OSBPL5: variants seen among roughly 807,000 people sequenced by gnomAD.
OSBPL5 encodes the protein oxysterol-binding protein-related protein 5.
In OSBPL5, 71 loss-of-function variants were observed where a neutral mutation model predicts 111.2. The observed-to-expected ratio is 0.64, with a 90% CI of 0.53 to 0.78. The LOEUF (loss-of-function observed/expected upper bound fraction) is 0.78. Among genes scored for constraint, OSBPL5 ranks in the 30% least tolerant of loss-of-function variants. The pLI, the probability that OSBPL5 is intolerant of heterozygous loss-of-function variation, is 0.00. For synonymous variants in OSBPL5, 549 were observed against 513.9 expected (o/e 1.07, Z -0.93); for missense variants, 1,210 against 1,189.3 (o/e 1.02, Z -0.26).
At chr11:3,114,705 TCTC>T (rs1221161535) in intron 7 of OSBPL5, among the ~76,000 whole-genome samples, 1 of 147,572 alleles carries the variant, frequency 6.8e-6, no homozygotes, top group African/African-American at 2.5e-5. Context: ...TTCACGCCAT[TCTC>T]CTGCCCCAGC....
chr11:3,099,120 C>T (rs78125911), intron 14 of OSBPL5, among the ~76,000 whole-genome samples: 2,314 of 152,282 alleles, frequency 0.015, 17 homozygotes, highest in South Asian at 0.033. Context: ...TCTTTAAGTG[C>T]ATATTGCCAA....
rs1312960445 is a variant in OSBPL5, at chr11:3,105,598, C to T, written c.1060-1221G>A. 6.6e-6 allele frequency among the ~76,000 whole-genome samples: 1 copy of T among 152,092 alleles called. No homozygotes were observed. Among genetic ancestry groups the T allele is most frequent in the African/African-American group, 2.4e-5 (1 of 41,360 alleles). ...ACTGTCTTGCCGTAGGTCCCCACCA[C>T]TCCTCACTGGTCCAGCAGCCATCCC... On this transcript the variant is annotated intron_variant, in intron 9 of 21. Coordinates refer to ENST00000263650, the MANE Select transcript of OSBPL5 (RefSeq NM_020896.4). This position sits in a 1 kb window ranked among gnomAD's most constrained non-coding sequence, Gnocchi z 5.2.
At chr11:3,103,851 C>CTG (rs1857588181) in intron 10 of OSBPL5, among the ~76,000 whole-genome samples, 3 of 111,150 alleles carry the variant, frequency 2.7e-5, no homozygotes, top group Non-Finnish European at 3.9e-5. Flanking sequence ...CAGCCCCTTT[C>CTG]CAGTCTGCGC....
At position 3,107,025 on chromosome 11, in the gene OSBPL5, C is replaced by T. The variant is rs74537819; in HGVS notation, c.1059+238G>A. ...TGCCTGTCTGCAGCAAACCCCTGCCCGATCCCCGCATCTGCATGCCAGCCA... is the reference window on the plus strand; with the variant it reads ...TGCCTGTCTGCAGCAAACCCCTGCCTGATCCCCGCATCTGCATGCCAGCCA... On this transcript the variant is annotated intron_variant, in intron 9 of 21. Transcript: ENST00000263650. This position sits in a 1 kb window ranked among gnomAD's most constrained non-coding sequence, Gnocchi z 6.1. 0.016 allele frequency among the ~76,000 whole-genome samples: 2,500 copies of T among 152,072 alleles called. 55 individuals carry two copies. Among genetic ancestry groups the T allele is most frequent in the African/African-American group, 0.052 (2,162 of 41,462 alleles).
intron 14 of OSBPL5, among the ~76,000 whole-genome samples, chr11:3,097,269 G>A (rs138651705): frequency 1.2e-3 from 190 of 152,078 alleles, no homozygotes; most frequent in African/African-American, 4.1e-3. Context: ...GATTTTTTCC[G>A]AGACATTTCC....
chr11:3,155,733 G>A (rs111393700), intron 1 of OSBPL5, among the ~76,000 whole-genome samples: 2,233 of 152,302 alleles, frequency 0.015, 62 homozygotes, highest in African/African-American at 0.049. Context: ...CAGCCACTAC[G>A]CCGACAGTTC....
chr11:3,099,816 C>A (rs971945945), intron 14 of OSBPL5, among the ~76,000 whole-genome samples: 3 of 152,130 alleles, frequency 2.0e-5, no homozygotes, highest in African/African-American at 4.8e-5. Context: ...TGCCTGTAAT[C>A]CCAGCACTTT....
intron 1 of OSBPL5, among the ~76,000 whole-genome samples, chr11:3,163,525 T>TGGG (rs1479606120): frequency 2.9e-5 from 1 of 34,410 alleles, no homozygotes; most frequent in African/African-American, 1.1e-4. Flanking sequence ...GGGTAGGGGT[T>TGGG]GGGTGGGGGG....
rs1856911837 is a variant in OSBPL5 at position 3,087,516 on chromosome 11, AC to A, written c.*688del. Reference sequence around the variant, plus strand: ...TAAGCCACACCCCTGCGCCCCCCACACCCCTGCACACACCTGCACCCACAAC... The same window carrying A: ...TAAGCCACACCCCTGCGCCCCCCACACCCTGCACACACCTGCACCCACAAC... On this transcript the variant is annotated 3_prime_UTR_variant, in exon 22 of 22. Transcript: ENST00000263650. 1 of 152,918 alleles carries A rather than the reference AC, an allele frequency of 6.5e-6. No individual in the cohort carries two copies. Among genetic ancestry groups the A allele is most frequent in the Admixed American group, 6.5e-5 (1 of 15,276 alleles). 9.5% of individuals were successfully genotyped at this position (152,918 alleles called of 1,614,324 possible).
chr11:3,143,846 C>T (rs372341825), intron 1 of OSBPL5, among the ~76,000 whole-genome samples: 6 of 152,320 alleles, frequency 3.9e-5, no homozygotes, highest in Admixed American at 1.3e-4. Context: ...AGCTCCTGGC[C>T]GTGGTCATAG....
intron 1 of OSBPL5, among the ~76,000 whole-genome samples, chr11:3,150,898 C>T (rs1055113597): frequency 1.2e-4 from 18 of 152,186 alleles, no homozygotes; most frequent in Non-Finnish European, 5.9e-5. Flanking sequence ...GTCCGTCTTC[C>T]CAGGAGTCAC....
intron 1 of OSBPL5, among the ~76,000 whole-genome samples, chr11:3,156,282 TC>T (rs1846756554): frequency 6.6e-6 from 1 of 152,208 alleles, no homozygotes; most frequent in South Asian, 2.1e-4. Flanking sequence ...AGGATGGAAA[TC>T]CGTGTGATTT....
intron 3 of OSBPL5, among the ~76,000 whole-genome samples, chr11:3,124,105 A>C (rs1048260732): frequency 6.6e-6 from 1 of 152,206 alleles, no homozygotes; most frequent in African/African-American, 2.4e-5. Context: ...TAGATCCCAC[A>C]GCTCAGGTCA....
At chr11:3,088,490 C>G in intron 21 of OSBPL5, 147 bp from the exon 22 acceptor site, 25 of 954,940 alleles carry the variant, frequency 2.6e-5, no homozygotes, top group Non-Finnish European at 3.2e-5. Context: ...GGCAACAGAG[C>G]GGGTGGGGGT....
chr11:3,158,432 C>T (rs961722069), intron 1 of OSBPL5, among the ~76,000 whole-genome samples: 10 of 152,248 alleles, frequency 6.6e-5, no homozygotes, highest in Non-Finnish European at 2.9e-5. Context: ...CCTGCTTTTC[C>T]GACCTGCAGA....
chr11:3,137,567 C>G (rs1269169768), intron 1 of OSBPL5, among the ~76,000 whole-genome samples: 1 of 152,202 alleles, frequency 6.6e-6, no homozygotes, highest in Non-Finnish European at 1.5e-5. Context: ...AATCCCAACA[C>G]TTTGGGAGCC....
chr11:3,126,294 C>T lies in OSBPL5; in HGVS notation c.219+179G>A, dbSNP rs1858621545. Among the ~76,000 whole-genome samples the T allele has an allele frequency of 6.6e-6, 1 of 152,282 alleles. No individual in the cohort carries two copies. On this transcript the variant is annotated intron_variant, in intron 3 of 21. Coordinates refer to ENST00000263650, the MANE Select transcript of OSBPL5 (RefSeq NM_020896.4). This position sits in a 1 kb window ranked among gnomAD's most constrained non-coding sequence, Gnocchi z 6.5. ...ATGACAGCTATATGGTGAAAACAGC[C>T]CAAATATCCACCAGCAGCCCTCCCG...
At chr11:3,103,644 G>T (rs1857531979) in intron 10 of OSBPL5, among the ~76,000 whole-genome samples, 1 of 151,772 alleles carries the variant, frequency 6.6e-6, no homozygotes, top group Admixed American at 6.6e-5. Flanking sequence ...TCCTGAGCCT[G>T]CAGCCCCCTT....
chr11:3,089,935 T>C lies in OSBPL5; in HGVS notation c.2412A>G (p.Pro804=). 2 of 1,555,416 alleles carry C rather than the reference T, an allele frequency of 1.3e-6. No individual in the cohort carries two copies. The highest frequency in any genetic ancestry group is 8.7e-7 in the Non-Finnish European group (1 of 1,149,134). Residue 804 remains proline (P), a synonymous_variant, in exon 21 of 22, where the codon CCA becomes CCG. Coordinates refer to ENST00000263650, the MANE Select transcript of OSBPL5 (RefSeq NM_020896.4). ...GCGCCTCCTTCCTGCACCGAGGGCA[T>C]GGGCTCTCACCGCCTGGGACGGCCC... ...DGDFVPGGES[P]CPRCRKEARR...
Sources: allele counts gnomAD v4.1 joint callset (sites outside exome capture counted in the v4.1 genomes callset), GRCh38; gene constraint gnomAD v4.1.1; non-coding constraint Gnocchi (gnomAD v3.1); transcripts MANE v1.5; gene names NCBI Gene and HGNC (gene_info 2026-07-23, HGNC 2026-07-21).